Variants in GABRP observed in about 807,000 individuals in gnomAD.
GABRP encodes the protein gamma-aminobutyric acid receptor subunit pi.
In GABRP, 52 loss-of-function variants were observed where a neutral mutation model predicts 47.8. The observed-to-expected ratio is 1.09, with a 90% CI of 0.87 to 1.37. The LOEUF is 1.37. Among genes scored for constraint, GABRP ranks in the 40% most tolerant of loss-of-function variants. The pLI is 0.00. For missense variants in GABRP, 525 were observed against 542.8 expected (o/e 0.97, Z 0.33); for synonymous variants, 221 against 205.8 (o/e 1.07, Z -0.63).
At chr5:170,792,259 A>G (rs1383451064) in intron 3 of GABRP, among the ~76,000 whole-genome samples, 1 of 152,144 alleles carries the variant, frequency 6.6e-6, no homozygotes, top group Non-Finnish European at 1.5e-5. Context: ...CCTGGTCAAC[A>G]TGGTGAAACC....
chr5:170,809,412 C>G (rs1185340002), intron 8 of GABRP, among the ~76,000 whole-genome samples, 156 bp from the exon 9 acceptor site: 2 of 152,062 alleles, frequency 1.3e-5, no homozygotes, highest in Non-Finnish European at 2.9e-5. Flanking sequence ...ACAAATCAAC[C>G]CTATTCTAGA....
chr5:170,805,610 T>C (rs2303135), intron 6 of GABRP, 106 bp from the exon 7 acceptor site: 549,777 of 1,257,620 alleles, frequency 0.44, 126,372 homozygotes, highest in African/African-American at 0.82. Context: ...GACTTATCAC[T>C]ATGAAGAAAG....
rs1287178170 is a variant in GABRP at position 170,809,720 on chromosome 5, T to C, written c.985T>C (p.Tyr329His). 1 of 1,605,980 alleles carries C rather than the reference T, an allele frequency of 6.2e-7. No homozygotes were observed. Among genetic ancestry groups the C allele is most frequent in the Admixed American group, 1.7e-5 (1 of 59,398 alleles). Residue 329 changes from tyrosine (Y) to histidine (H), a missense_variant, in exon 9 of 10, where the codon TAC becomes CAC. By Grantham distance (83) the Tyr-to-His change is moderately conservative. Transcript: ENST00000265294. ...GALLEYAVAH[Y>H]SSLQQMAAKD... The stretch of plus-strand genomic sequence containing the variant: ...CTTGCTAGAATATGCAGTTGCTCAC[T>C]ACAGTTCCTTACAGCAGATGGCAGC...
intron 6 of GABRP, among the ~76,000 whole-genome samples, chr5:170,804,412 T>C (rs958713335): frequency 2.6e-5 from 4 of 152,124 alleles, no homozygotes; most frequent in Non-Finnish European, 5.9e-5. Context: ...GGTAAATATA[T>C]ATTTAAGTTT....
At chr5:170,802,564 A>AT (rs1203532098) in intron 6 of GABRP, among the ~76,000 whole-genome samples, 3 of 152,210 alleles carry the variant, frequency 2.0e-5, no homozygotes, top group Non-Finnish European at 4.4e-5. Flanking sequence ...AAGAGAACTC[A>AT]TTTTCAGTCC....
intron 7 of GABRP, among the ~76,000 whole-genome samples, chr5:170,806,861 A>C (rs1187303290): frequency 2.0e-5 from 3 of 152,168 alleles, no homozygotes; most frequent in Non-Finnish European, 4.4e-5. Flanking sequence ...AATAGAAGGA[A>C]AGATGATTTT....
intron 7 of GABRP, among the ~76,000 whole-genome samples, chr5:170,807,240 G>A (rs1280495020): frequency 6.6e-6 from 1 of 152,116 alleles, no homozygotes; most frequent in Admixed American, 6.5e-5. Flanking sequence ...GAGCCACCAA[G>A]CCTGGCTTTA....
intron 6 of GABRP, among the ~76,000 whole-genome samples, chr5:170,803,397 A>G (rs1212300483): frequency 1.3e-5 from 2 of 152,238 alleles, no homozygotes; most frequent in South Asian, 4.1e-4. Flanking sequence ...ACTCTGGGTG[A>G]GTAACTAATG....
chr5:170,796,512 G>T (rs963332824), intron 5 of GABRP, among the ~76,000 whole-genome samples: 4 of 152,166 alleles, frequency 2.6e-5, no homozygotes, highest in Admixed American at 6.5e-5. Flanking sequence ...TAAAGATTTT[G>T]GTACAAGTCC....
At chr5:170,805,504 T>A (rs1765707258) in intron 6 of GABRP, among the ~76,000 whole-genome samples, 1 of 152,216 alleles carries the variant, frequency 6.6e-6, no homozygotes, top group African/African-American at 2.4e-5. Flanking sequence ...CAGCTCTCAA[T>A]TGACGGCAAA....
intron 3 of GABRP, among the ~76,000 whole-genome samples, chr5:170,790,779 T>C (rs1765243151): frequency 6.6e-6 from 1 of 152,210 alleles, no homozygotes; most frequent in African/African-American, 2.4e-5. Flanking sequence ...GCCACTTTGA[T>C]ATCCCCACTG....
intron 4 of GABRP, 44 bp from the exon 5 acceptor site, chr5:170,795,164 C>G: frequency 7.0e-7 from 1 of 1,419,986 alleles, no homozygotes; most frequent in East Asian, 2.3e-5. Flanking sequence ...GGTTTTCTCA[C>G]CCACTACCCC....
chr5:170,813,598 T>A lies in GABRP; in HGVS notation c.*1340T>A, dbSNP rs1181854525. Reference sequence around the variant, plus strand: ...AGCCAACAGTACCAAAAGTGATTTTTGAGTGTGCCAGGGTAAAGGCTTCCA... The same window carrying A: ...AGCCAACAGTACCAAAAGTGATTTTAGAGTGTGCCAGGGTAAAGGCTTCCA... On this transcript the variant is annotated 3_prime_UTR_variant, in exon 10 of 10. Coordinates refer to ENST00000265294, the MANE Select transcript of GABRP (RefSeq NM_014211.3). 6.6e-6 allele frequency: 1 copy of A among 152,230 alleles called. No homozygotes were observed. The highest frequency in any genetic ancestry group is 1.5e-5 in the Non-Finnish European group (1 of 68,046). The allele number at this position is 152,230 out of a possible 1,614,324, so 9.4% of individuals were successfully genotyped here. A position where few individuals can be genotyped will look rare whatever the true frequency, so the allele number is the denominator to read the frequency against.
chr5:170,785,153 C>A (rs1765095927), intron 1 of GABRP, among the ~76,000 whole-genome samples: 1 of 152,246 alleles, frequency 6.6e-6, no homozygotes, highest in Non-Finnish European at 1.5e-5. Context: ...GCATCAGCTG[C>A]ACTTGTCACT....
rs201676692 is a variant in GABRP at position 170,805,745 on chromosome 5, A to T, written c.571A>T (p.Thr191Ser). 1.9e-6 allele frequency: 3 copies of T among 1,614,218 alleles called. No homozygotes were observed. The Admixed American group carries it at 5.0e-5, about 27-fold the overall frequency. The change falls in exon 7 of 10, where the codon ACC (threonine) becomes TCC (serine). Residue 191 changes from threonine to serine, a missense_variant. Physicochemically the swap from Thr to Ser is moderately conservative, Grantham distance 58. Coordinates refer to ENST00000265294, the MANE Select transcript of GABRP (RefSeq NM_014211.3). ...CTATGATGGAAATGATGTGGAGTTC[A>T]CCTGGCTGAGAGGGAACGACTCTGT... The part of the protein sequence containing the change: ...WGYDGNDVEF[T>S]WLRGNDSVRG...
At chr5:170,786,613 C>T (rs572548901) in intron 1 of GABRP, among the ~76,000 whole-genome samples, 1 of 152,250 alleles carries the variant, frequency 6.6e-6, no homozygotes, top group East Asian at 1.9e-4. Flanking sequence ...GGTCAGCTTG[C>T]TTAGATGTAC....
intron 4 of GABRP, among the ~76,000 whole-genome samples, chr5:170,794,587 A>G (rs1765371968): frequency 6.6e-6 from 1 of 152,114 alleles, no homozygotes; most frequent in Non-Finnish European, 1.5e-5. Context: ...CAGGCAATGA[A>G]GTGGGTACAC....
chr5:170,784,099 AC>A lies in GABRP; in HGVS notation c.-43+227del, dbSNP rs145985180. 9.8e-3 allele frequency among the ~76,000 whole-genome samples: 1,487 copies of A among 152,298 alleles called. 29 individuals are homozygous for A. The highest frequency in any genetic ancestry group is 0.033 in the African/African-American group (1,378 of 41,566). On this transcript the variant is annotated intron_variant, in intron 1 of 9. Coordinates refer to ENST00000265294, the MANE Select transcript of GABRP (RefSeq NM_014211.3). ...CACCCCTGTGCAGCAGCTGGCCAAG[AC>A]CAGCAGACACAGGGCACGCGCCGCA...
chr5:170,796,814 TA>T (rs775710496), intron 5 of GABRP, among the ~76,000 whole-genome samples: 6 of 152,240 alleles, frequency 3.9e-5, no homozygotes, highest in South Asian at 4.2e-4. Flanking sequence ...CAGTGCTTAA[TA>T]AATAAGGATG....
Sources: gnomAD v4.1 joint callset for allele counts (sites outside exome capture counted in the v4.1 genomes callset) on GRCh38, gnomAD v4.1.1 for gene constraint, MANE v1.5 for transcripts, NCBI Gene and HGNC (gene_info 2026-07-23, HGNC 2026-07-21) for gene names.